The following IFT56 variants were observed in gnomAD, a reference collection of about 807,000 sequenced individuals.
The protein encoded by IFT56 is intraflagellar transport protein 56.
At chr7:139,175,613 G>A in the IFT56 span, among the ~76,000 whole-genome samples, 1 of 152,094 alleles carries the variant, frequency 6.6e-6, no homozygotes. Context: ...TGGAATTGGA[G>A]GACATTATGT....
At chr7:139,183,501 A>C in the IFT56 span, among the ~76,000 whole-genome samples, 1 of 152,104 alleles carries the variant, frequency 6.6e-6, no homozygotes, top group Non-Finnish European at 1.5e-5. Flanking sequence ...AAAGAGAATA[A>C]GGGGGGAAAT....
chr7:139,158,626 A>G, the IFT56 span, among the ~76,000 whole-genome samples: 1 of 151,974 alleles, frequency 6.6e-6, no homozygotes, highest in African/African-American at 2.4e-5. Flanking sequence ...TGTTAAATCA[A>G]CTTTAGGCTG....
chr7:139,140,070 C>A, the IFT56 span: 2 of 1,093,822 alleles, frequency 1.8e-6, no homozygotes, highest in Admixed American at 2.6e-5. Flanking sequence ...GATTTTAAAA[C>A]TTAATTGTAT....
At chr7:139,168,576 AAAAAAC>A in the IFT56 span, 1 of 592,536 alleles carries the variant, frequency 1.7e-6, no homozygotes, top group Admixed American at 2.7e-5. Context: ...AGACAAAAAA[AAAAAAC>A]AAAAAAAAAA....
the IFT56 span, among the ~76,000 whole-genome samples, chr7:139,141,154 G>C: frequency 1.3e-5 from 2 of 151,656 alleles, no homozygotes; most frequent in Middle Eastern, 6.8e-3. Flanking sequence ...CCAGCTACTC[G>C]GGAGGCTGAG....
chr7:139,189,886 C>T, the IFT56 span: 2 of 152,376 alleles, frequency 1.3e-5, no homozygotes, highest in Admixed American at 6.5e-5. Flanking sequence ...GGTTTTATAA[C>T]GTCATCTCTG....
the IFT56 span, chr7:139,133,994 C>CA: frequency 1.8e-6 from 2 of 1,091,500 alleles, no homozygotes; most frequent in Non-Finnish European, 2.8e-6. Flanking sequence ...TGTGTTCCCA[C>CA]GGGGGACAGG....
At chr7:139,183,364 C>A in the IFT56 span, among the ~76,000 whole-genome samples, 1 of 152,026 alleles carries the variant, frequency 6.6e-6, no homozygotes, top group African/African-American at 2.4e-5. Context: ...ACAGGAACAG[C>A]AGGAAAACGA....
At chr7:139,168,330 T>C in the IFT56 span, 3 of 1,582,486 alleles carry the variant, frequency 1.9e-6, no homozygotes, top group Non-Finnish European at 2.6e-6. Context: ...ATCAGTGTTA[T>C]TCCATGTTTC....
chr7:139,173,758 T>C, the IFT56 span: 1 of 763,632 alleles, frequency 1.3e-6, no homozygotes, highest in Non-Finnish European at 2.5e-6. Context: ...AAAATCATTA[T>C]GATGTTGGTC....
chr7:139,137,744 C>T, the IFT56 span: 3 of 797,890 alleles, frequency 3.8e-6, no homozygotes, highest in Non-Finnish European at 4.1e-6. Context: ...GCTTCTAATA[C>T]TTAGATTGCC....
the IFT56 span, chr7:139,190,601 T>C: frequency 6.6e-6 from 1 of 152,194 alleles, no homozygotes; most frequent in African/African-American, 2.4e-5. Context: ...TGGGCACTTA[T>C]TAATGTAACG....
the IFT56 span, among the ~76,000 whole-genome samples, chr7:139,172,058 G>A: frequency 4.8e-4 from 73 of 151,796 alleles, no homozygotes; most frequent in African/African-American, 1.6e-3. Flanking sequence ...ACTACTTTGT[G>A]GTTTCCAAGT....
At chr7:139,154,800 G>A in the IFT56 span, among the ~76,000 whole-genome samples, 2 of 152,020 alleles carry the variant, frequency 1.3e-5, no homozygotes, top group African/African-American at 4.8e-5. Context: ...TTCCCAGATT[G>A]TTTTGGTTAC....
At chr7:139,147,234 G>A in the IFT56 span, 1 of 1,613,542 alleles carries the variant, frequency 6.2e-7, no homozygotes, top group Non-Finnish European at 8.5e-7. Context: ...TCCACTATAT[G>A]CGATCTCACT....
At chr7:139,135,553 C>T in the IFT56 span, among the ~76,000 whole-genome samples, 9 of 152,160 alleles carry the variant, frequency 5.9e-5, no homozygotes, top group Non-Finnish European at 1.0e-4. Flanking sequence ...GTAGTTCTCA[C>T]CTTTTAATAT....
the IFT56 span, chr7:139,173,125 G>T: frequency 1.6e-5 from 11 of 687,602 alleles, no homozygotes; most frequent in Non-Finnish European, 2.7e-5. Flanking sequence ...CTGTGGCATG[G>T]ATGGATTCAA....
chr7:139,163,629 ATC>A, the IFT56 span, among the ~76,000 whole-genome samples: 51 of 152,206 alleles, frequency 3.4e-4, no homozygotes, highest in African/African-American at 1.2e-3. Context: ...ATAGGGCACT[ATC>A]CAGAGGAAAC....
At chr7:139,166,183 C>T in the IFT56 span, among the ~76,000 whole-genome samples, 4 of 152,148 alleles carry the variant, frequency 2.6e-5, no homozygotes, top group Non-Finnish European at 5.9e-5. Flanking sequence ...GTCTTGAACT[C>T]CTGATCTCAG....
Sources: allele counts gnomAD v4.1 joint callset (sites outside exome capture counted in the v4.1 genomes callset), GRCh38; gene constraint gnomAD v4.1.1; transcripts MANE v1.5; gene names NCBI Gene and HGNC (gene_info 2026-07-23, HGNC 2026-07-21).